The following MIGA1 variants were observed in gnomAD, a reference collection of about 807,000 sequenced individuals.
The protein encoded by MIGA1 is family with sequence similarity 73, member A.
Under a neutral mutation model 82.0 loss-of-function variants are expected in MIGA1, and 58 were observed. That is an observed-to-expected ratio of 0.71 (90% CI 0.57 to 0.88). MIGA1 has a LOEUF of 0.88. Among genes scored for constraint, MIGA1 ranks in the 40% least tolerant of loss-of-function variants. The pLI is 0.00. For synonymous variants in MIGA1, 249 were observed against 253.6 expected, an observed-to-expected ratio of 0.98 and a Z score of 0.17; for missense variants, 751 against 749.1, an observed-to-expected ratio of 1.00 and a Z score of -0.03.
At chr1:77,796,354 G>A (rs577049015) in intron 2 of MIGA1, among the ~76,000 whole-genome samples, 4 of 151,776 alleles carry the variant, frequency 2.6e-5, no homozygotes, top group South Asian at 2.1e-4. Flanking sequence ...TCCTGACCTC[G>A]TGATCCACCC....
intron 7 of MIGA1, among the ~76,000 whole-genome samples, chr1:77,840,629 A>G (rs891033007): frequency 6.6e-6 from 1 of 152,136 alleles, no homozygotes; most frequent in Non-Finnish European, 1.5e-5. Flanking sequence ...CCTGACCAAC[A>G]TGCAGAAACC....
chr1:77,799,011 T>C (rs1473600637), intron 2 of MIGA1, among the ~76,000 whole-genome samples: 1 of 152,216 alleles, frequency 6.6e-6, no homozygotes, highest in African/African-American at 2.4e-5. Context: ...GTAAGTTACA[T>C]TGATTTTTAA....
At chr1:77,789,858 A>G (rs1213493885) in intron 2 of MIGA1, among the ~76,000 whole-genome samples, 1 of 152,102 alleles carries the variant, frequency 6.6e-6, no homozygotes, top group Non-Finnish European at 1.5e-5. Flanking sequence ...TGATAAAGAC[A>G]ACAAACTAGG....
At chr1:77,858,469 A>T (rs1052337153) in intron 8 of MIGA1, among the ~76,000 whole-genome samples, 10 of 152,256 alleles carry the variant, frequency 6.6e-5, no homozygotes, top group Non-Finnish European at 8.8e-5. Context: ...AGTAAAATCA[A>T]TTCAGATTTT....
intron 8 of MIGA1, among the ~76,000 whole-genome samples, chr1:77,852,890 C>T (rs539401853): frequency 1.3e-5 from 2 of 152,262 alleles, no homozygotes; most frequent in African/African-American, 4.8e-5. Context: ...GGGGCTTCCC[C>T]ATGTTGGCCA....
intron 7 of MIGA1, among the ~76,000 whole-genome samples, chr1:77,819,951 TGGGA>T (rs1464206038): frequency 6.6e-6 from 1 of 152,070 alleles, no homozygotes; most frequent in Non-Finnish European, 1.5e-5. Flanking sequence ...CTTCCTTGAA[TGGGA>T]GGATTAACTG....
intron 2 of MIGA1, among the ~76,000 whole-genome samples, chr1:77,800,265 C>T (rs1222950279): frequency 6.6e-6 from 1 of 152,146 alleles, no homozygotes; most frequent in Non-Finnish European, 1.5e-5. Context: ...ATTTGCAGCA[C>T]CTCTCTCCAG....
chr1:77,791,564 T>G (rs893075729), intron 2 of MIGA1, among the ~76,000 whole-genome samples: 2 of 149,506 alleles, frequency 1.3e-5, no homozygotes, highest in African/African-American at 2.5e-5. Context: ...TTTAAGTTTT[T>G]TTTTTTTTTT....
chr1:77,847,147 A>T, intron 8 of MIGA1: 1 of 1,225,994 alleles, frequency 8.2e-7, no homozygotes, highest in Non-Finnish European at 1.2e-6. Flanking sequence ...TATTTTGCCA[A>T]AGAAAACACA....
At chr1:77,837,505 A>C (rs919414796) in intron 7 of MIGA1, among the ~76,000 whole-genome samples, 3 of 152,216 alleles carry the variant, frequency 2.0e-5, no homozygotes, top group African/African-American at 7.2e-5. Flanking sequence ...TTCCTGATAC[A>C]TAAAATGAGA....
chr1:77,847,413 T>A (rs1477334607), intron 8 of MIGA1: 1 of 1,368,106 alleles, frequency 7.3e-7, no homozygotes, highest in South Asian at 1.2e-5. Flanking sequence ...AAAGCCCAAG[T>A]ATATTCACAA....
At chr1:77,854,285 C>T (rs762245165) in intron 8 of MIGA1, among the ~76,000 whole-genome samples, 1 of 152,144 alleles carries the variant, frequency 6.6e-6, no homozygotes, top group Non-Finnish European at 1.5e-5. Flanking sequence ...ATCCACTTGT[C>T]GATTGATGGG....
chr1:77,822,433 A>G (rs1247358170), intron 7 of MIGA1, among the ~76,000 whole-genome samples: 1 of 152,164 alleles, frequency 6.6e-6, no homozygotes, highest in Non-Finnish European at 1.5e-5. Context: ...CTCTAGAGAA[A>G]AAAAGAGTGA....
chr1:77,869,825 C>G (rs1280568663), intron 14 of MIGA1, among the ~76,000 whole-genome samples: 1 of 109,430 alleles, frequency 9.1e-6, no homozygotes, highest in Non-Finnish European at 1.9e-5. Context: ...GGCAGAGGCG[C>G]CCCTCACCTC....
At chr1:77,818,742 G>T (rs899181972) in intron 7 of MIGA1, among the ~76,000 whole-genome samples, 1 of 152,038 alleles carries the variant, frequency 6.6e-6, no homozygotes. Flanking sequence ...GACCAGCCTT[G>T]TATAGTGAGA....
intron 2 of MIGA1, among the ~76,000 whole-genome samples, chr1:77,789,586 T>A (rs1205499917): frequency 6.6e-6 from 1 of 152,158 alleles, no homozygotes; most frequent in Non-Finnish European, 1.5e-5. Flanking sequence ...AGCCAATCAA[T>A]GAAAGTTTTT....
chr1:77,838,439 CTTATTTAT>C (rs1223546568), intron 7 of MIGA1, among the ~76,000 whole-genome samples: 5 of 151,486 alleles, frequency 3.3e-5, no homozygotes, highest in African/African-American at 1.2e-4. Flanking sequence ...TACCTTCTAT[CTTATTTAT>C]TTATTTATTT....
intron 2 of MIGA1, among the ~76,000 whole-genome samples, chr1:77,793,842 A>G (rs976304517): frequency 5.7e-5 from 8 of 141,296 alleles, no homozygotes; most frequent in African/African-American, 2.2e-4. Flanking sequence ...GCTGGAGTGC[A>G]GTGGCGTGAT....
chr1:77,863,802 C>T, intron 12 of MIGA1, 92 bp from the exon 13 acceptor site: 3 of 863,936 alleles, frequency 3.5e-6, no homozygotes, highest in Non-Finnish European at 3.4e-6. Flanking sequence ...TAAAAAAAAC[C>T]CCTGCTGTTA....
Sources: gnomAD v4.1 joint callset for allele counts (sites outside exome capture counted in the v4.1 genomes callset) on GRCh38, gnomAD v4.1.1 for gene constraint, MANE v1.5 for transcripts, NCBI Gene and HGNC (gene_info 2026-07-23, HGNC 2026-07-21) for gene names.